The following WNT10B variants were observed in gnomAD, a reference collection of about 807,000 sequenced individuals.
The protein encoded by WNT10B is protein Wnt-10b.
In WNT10B, 26 loss-of-function variants were observed where a neutral mutation model predicts 32.7. That is an observed-to-expected ratio of 0.79 (90% CI 0.58 to 1.10). The LOEUF (loss-of-function observed/expected upper bound fraction) is 1.10, where lower values mean the gene tolerates loss of function less well. Ranked by LOEUF, WNT10B falls within the 50% of genes least tolerant of loss-of-function variation. WNT10B has a pLI of 0.00. For missense variants in WNT10B, 474 were observed against 532.5 expected (o/e 0.89, Z 1.08); for synonymous variants, 204 against 220.4 (o/e 0.93, Z 0.66).
chr12:48,971,367 G>GTGTCTGTC (rs1043077947), intron 1 of WNT10B, 88 bp downstream of exon 1: 1 of 152,618 alleles, frequency 6.6e-6, no homozygotes, highest in Admixed American at 6.5e-5. Flanking sequence ...GGGTGGATGC[G>GTGTCTGTC]TGTCTGTCTG....
chr12:48,971,367 GTGTCTGTC>G (rs1043077947), intron 1 of WNT10B, 80 bp downstream of exon 1: 1 of 152,500 alleles, frequency 6.6e-6, no homozygotes, highest in Non-Finnish European at 1.5e-5. Flanking sequence ...GGGTGGATGC[GTGTCTGTC>G]TGTCTGTCTG....
intron 3 of WNT10B, chr12:48,969,071 G>C: frequency 2.1e-6 from 1 of 470,742 alleles, no homozygotes; most frequent in Non-Finnish European, 4.4e-6. Context: ...AGAAGCTCAG[G>C]CTGCCAAGCC....
chr12:48,965,758 T>C lies in WNT10B; in HGVS notation c.*337A>G, dbSNP rs1398932556. ...TCAAGGGAGAGGAGTGGTGAAACTA[T>C]AGGGACTCCCCAGCCAAAAGGAGTA... On this transcript the variant is annotated 3_prime_UTR_variant, in exon 5 of 5. Coordinates refer to ENST00000301061, the MANE Select transcript of WNT10B (RefSeq NM_003394.4). The C allele has an allele frequency of 9.1e-6, 3 of 331,434 alleles. No individual in the cohort carries two copies. Among genetic ancestry groups the C allele is most frequent in the South Asian group, 3.7e-5 (1 of 26,996 alleles). The allele number at this position is 331,434 out of a possible 1,614,324, so 20.5% of individuals were successfully genotyped here. A position where few individuals can be genotyped will look rare whatever the true frequency, so the allele number is the denominator to read the frequency against.
Position 48,966,367 on chromosome 12 carries a change from G to A in WNT10B, c.898C>T (p.Arg300Cys), listed in dbSNP as rs1033586412. Reference protein sequence around the residue: ...RNSGAFQPRLRPRRLSGELVY... With the variant: ...RNSGAFQPRLCPRRLSGELVY... Reference sequence around the variant, plus strand: ...AGCTCTCCTGAGAGGCGACGGGGACGCAGACGGGGCTGGAAGGCTCCAGAA... The same window carrying A: ...AGCTCTCCTGAGAGGCGACGGGGACACAGACGGGGCTGGAAGGCTCCAGAA... The change falls in exon 5 of 5, where the codon CGT becomes TGT. Residue 300 changes from arginine to cysteine, a missense_variant. Transcript: ENST00000301061. 2.2e-5 allele frequency: 36 copies of A among 1,614,110 alleles called. No homozygotes were observed. Among genetic ancestry groups the A allele is most frequent in the Admixed American group, 3.3e-5 (2 of 60,016 alleles).
rs1165509266 is a variant in WNT10B at position 48,970,462 on chromosome 12, C to T, written c.68G>A (p.Cys23Tyr). 11 of 1,613,172 alleles carry T rather than the reference C, an allele frequency of 6.8e-6. No homozygotes were observed. The highest frequency in any genetic ancestry group is 8.5e-6 in the Non-Finnish European group (10 of 1,179,732). ...GLAGLLFLAL[C>Y]SRALSNEILG... The stretch of plus-strand genomic sequence containing the variant: ...GACAAGGGGAACTGCTCACCGACTG[C>T]ACAACGCCAGGAACAGGAGACCCGC... Residue 23 changes from cysteine (C) to tyrosine (Y), a missense_variant, in exon 2 of 5, where the codon TGC becomes TAC. Transcript: ENST00000301061. This position sits in a 1 kb window ranked among gnomAD's most constrained non-coding sequence, Gnocchi z 5.0.
Position 48,966,022 on chromosome 12 carries a change from A to T in WNT10B, c.*73T>A, listed in dbSNP as rs1940723902. On this transcript the variant is annotated 3_prime_UTR_variant, in exon 5 of 5. Coordinates refer to ENST00000301061, the MANE Select transcript of WNT10B (RefSeq NM_003394.4). ...GGGACCAAGAGTGACCTTGGAAGGA[A>T]ATCAGAGCAAAGGGCTGAAAAGGCG... 5 of 1,569,996 alleles carry T rather than the reference A, an allele frequency of 3.2e-6. No homozygotes were observed. Among genetic ancestry groups the T allele is most frequent in the Non-Finnish European group, 4.3e-6 (5 of 1,150,664 alleles).
rs1242623813 is a variant in WNT10B at position 48,966,443 on chromosome 12, C to T, written c.822G>A (p.Ala274=). ...AAPEFRAVGA[A]LRERLGRAIF... The stretch of plus-strand genomic sequence containing the variant: ...TGGCCCGGCCCAGCCGCTCCCTCAA[C>T]GCCGCCCCCACTGCCCGGAACTCTG... Residue 274 remains alanine (A), a synonymous_variant, in exon 5 of 5, where the codon GCG becomes GCA. Transcript: ENST00000301061. The T allele has an allele frequency of 5.0e-6, 8 of 1,613,928 alleles. No homozygotes were observed. Among genetic ancestry groups the T allele is most frequent in the Non-Finnish European group, 6.8e-6 (8 of 1,180,060 alleles).
Position 48,966,412 on chromosome 12 carries a change from T to C in WNT10B, c.853A>G (p.Ile285Val). Reference sequence around the variant, plus strand: ...CCAGAATTGCGGTTGTGGGTATCAATGAAGATGGCCCGGCCCAGCCGCTCC... The same window carrying C: ...CCAGAATTGCGGTTGTGGGTATCAACGAAGATGGCCCGGCCCAGCCGCTCC... Reference protein sequence around the residue: ...LRERLGRAIFIDTHNRNSGAF... With the variant: ...LRERLGRAIFVDTHNRNSGAF... Residue 285 changes from isoleucine (I) to valine (V), a missense_variant, in exon 5 of 5, where the codon ATT (isoleucine) becomes GTT (valine). Physicochemically the swap from Ile to Val is conservative, Grantham distance 29. Coordinates refer to ENST00000301061, the MANE Select transcript of WNT10B (RefSeq NM_003394.4). 6.2e-7 allele frequency: 1 copy of C among 1,614,000 alleles called. No homozygotes were observed.
Position 48,970,412 on chromosome 12 carries a change from G to A in WNT10B, c.74+44C>T, listed in dbSNP as rs1279528632. ...AGACCCCTCCAACTCTCCCCACCCC[G>A]GGTCGGTGTTTCTATGGCCTGGGAG... On this transcript the variant is annotated intron_variant, in intron 2 of 4. Coordinates refer to ENST00000301061, the MANE Select transcript of WNT10B (RefSeq NM_003394.4). This position sits in a 1 kb window ranked among gnomAD's most constrained non-coding sequence, Gnocchi z 5.0. 12 of 1,613,786 alleles carry A rather than the reference G, an allele frequency of 7.4e-6. No individual in the cohort carries two copies. Among genetic ancestry groups the A allele is most frequent in the Non-Finnish European group, 9.3e-6 (11 of 1,179,870 alleles).
At position 48,968,178 on chromosome 12, in the gene WNT10B, T is replaced by C. The variant is rs978022243; in HGVS notation, c.479A>G (p.Lys160Arg). 2.5e-6 allele frequency: 4 copies of C among 1,614,072 alleles called. No homozygotes were observed. Among genetic ancestry groups the C allele is most frequent in the Non-Finnish European group, 3.4e-6 (4 of 1,180,036 alleles). ...GSGEQDRLRA[K>R]LLQLQALSRG... ...GGACAGTGCCTGCAGCTGCAGCAGT[T>C]TGGCCCTCAGCCGATCCTGCTCACC... The change falls in exon 4 of 5, where the codon AAA becomes AGA. Residue 160 changes from lysine to arginine, a missense_variant. Physicochemically the swap from Lys to Arg is conservative, Grantham distance 26. Coordinates refer to ENST00000301061, the MANE Select transcript of WNT10B (RefSeq NM_003394.4).
rs769618236 is a variant in WNT10B, at chr12:48,970,059, G to A, written c.337+30C>T. The stretch of plus-strand genomic sequence containing the variant: ...CTGCCGCCCACCCCCTAGCCTCCGC[G>A]GCAGCGCCGACCCGCCCAGCCAGGC... On this transcript the variant is annotated intron_variant, in intron 3 of 4. Transcript: ENST00000301061. This position sits in a 1 kb window ranked among gnomAD's most constrained non-coding sequence, Gnocchi z 5.0. 1.0e-5 allele frequency: 15 copies of A among 1,476,136 alleles called. No individual in the cohort carries two copies. Among genetic ancestry groups the A allele is most frequent in the Non-Finnish European group, 1.3e-5 (14 of 1,116,492 alleles). The allele number at this position is 1,476,136 out of a possible 1,614,324, so 91.4% of individuals were successfully genotyped here. A position where few individuals can be genotyped will look rare whatever the true frequency, so the allele number is the denominator to read the frequency against.
chr12:48,968,391 T>G (rs528802695), intron 3 of WNT10B, 72 bp from the exon 4 acceptor site: 44 of 1,589,760 alleles, frequency 2.8e-5, no homozygotes, highest in Non-Finnish European at 3.5e-5. Context: ...CAGAAAGAAA[T>G]AAACAGCCCC....
Position 48,968,068 on chromosome 12 carries a change from C to G in WNT10B, c.589G>C (p.Gly197Arg). Residue 197 changes from glycine to arginine, a missense_variant, in exon 4 of 5, where the codon GGT becomes CGT. Coordinates refer to ENST00000301061, the MANE Select transcript of WNT10B (RefSeq NM_003394.4). Reference protein sequence around the residue: ...SPGPQDTWEWGGCNHDMDFGE... With the variant: ...SPGPQDTWEWRGCNHDMDFGE... ...AAGTCCATGTCATGGTTACAGCCACCCCATTCCCATGTGTCCTGGGGGCCA... is the reference window on the plus strand; with the variant it reads ...AAGTCCATGTCATGGTTACAGCCACGCCATTCCCATGTGTCCTGGGGGCCA... The G allele has an allele frequency of 1.2e-6, 2 of 1,614,264 alleles. No individual in the cohort carries two copies. The highest frequency in any genetic ancestry group is 1.7e-6 in the Non-Finnish European group (2 of 1,180,050).
Position 48,970,114 on chromosome 12 carries a change from C to CA in WNT10B, c.311_312insT (p.His105AlafsTer49). 1 of 1,526,930 alleles carries CA rather than the reference C, an allele frequency of 6.5e-7. No homozygotes were observed. Among genetic ancestry groups the CA allele is most frequent in the Non-Finnish European group, 8.8e-7 (1 of 1,140,830 alleles). 94.6% of individuals were successfully genotyped at this position (1,526,930 alleles called of 1,614,324 possible). On this transcript the variant is annotated frameshift_variant, in exon 3 of 5. Transcript: ENST00000301061. LOFTEE classifies it high-confidence loss of function. The surrounding 1 kb of genome is among the most constrained non-coding windows in gnomAD (Gnocchi z 5.0). ...CGCGCTTGAGGATGGCGCTGTGGTGCGGCAGGCGGCCGCCGCCCTCAAGCG... is the reference window on the plus strand; with the variant it reads ...CGCGCTTGAGGATGGCGCTGTGGTGCAGGCAGGCGGCCGCCGCCCTCAAGCG...
At chr12:48,968,801 T>TA (rs1259693868) in intron 3 of WNT10B, among the ~76,000 whole-genome samples, 7 of 151,538 alleles carry the variant, frequency 4.6e-5, no homozygotes, top group African/African-American at 1.7e-4. Context: ...TTTTTTTTTT[T>TA]AAATTCACTT....
In WNT10B at chr12:48,970,041, C is replaced by T. The variant is rs1940817983; in HGVS notation, c.337+48G>A. The T allele has an allele frequency of 2.1e-6, 3 of 1,408,146 alleles. No homozygotes were observed. The African/African-American group carries it at 4.5e-5, about 21-fold the overall frequency. The allele number at this position is 1,408,146 out of a possible 1,614,324, so 87.2% of individuals were successfully genotyped here. On this transcript the variant is annotated intron_variant, in intron 3 of 4. Transcript: ENST00000301061. This position sits in a 1 kb window ranked among gnomAD's most constrained non-coding sequence, Gnocchi z 5.0. Reference sequence around the variant, plus strand: ...GCCTCCGCGCGCCTCGCCCTGCCGCCCACCCCCTAGCCTCCGCGGCAGCGC... The same window carrying T: ...GCCTCCGCGCGCCTCGCCCTGCCGCTCACCCCCTAGCCTCCGCGGCAGCGC...
intron 4 of WNT10B, 105 bp from the exon 5 acceptor site, chr12:48,966,658 G>A (rs936695502): frequency 6.2e-6 from 8 of 1,300,428 alleles, no homozygotes; most frequent in Non-Finnish European, 8.7e-6. Context: ...GGGACAAATG[G>A]AGGCAAGAAT....
Position 48,970,955 on chromosome 12 carries a change from G to A in WNT10B, c.-40-386C>T, listed in dbSNP as rs1227782447. 1.1e-5 allele frequency: 3 copies of A among 276,598 alleles called. No homozygotes were observed. Among genetic ancestry groups the A allele is most frequent in the Non-Finnish European group, 2.1e-5 (3 of 142,250 alleles). 17.1% of individuals were successfully genotyped at this position (276,598 alleles called of 1,614,324 possible). A position where few individuals can be genotyped will look rare whatever the true frequency, so the allele number is the denominator to read the frequency against. On this transcript the variant is annotated intron_variant, in intron 1 of 4. Coordinates refer to ENST00000301061, the MANE Select transcript of WNT10B (RefSeq NM_003394.4). The surrounding 1 kb of genome is among the most constrained non-coding windows in gnomAD (Gnocchi z 5.0). The stretch of plus-strand genomic sequence containing the variant: ...CGACTAGCTTCCCCGCCCTCACAGG[G>A]CTAGGGAGAGGGATAGGGAGGAGGT...
chr12:48,965,822 G>T lies in WNT10B; in HGVS notation c.*273C>A, dbSNP rs1484018751. 8.3e-6 allele frequency: 4 copies of T among 479,808 alleles called. No individual in the cohort carries two copies. Among genetic ancestry groups the T allele is most frequent in the Non-Finnish European group, 1.5e-5 (4 of 264,364 alleles). 29.7% of individuals were successfully genotyped at this position (479,808 alleles called of 1,614,324 possible). Reference sequence around the variant, plus strand: ...AAGGGGCTCTGGAGTTGAGAAGTGGGAGGAGCAATACAGTGCATTTCATCT... The same window carrying T: ...AAGGGGCTCTGGAGTTGAGAAGTGGTAGGAGCAATACAGTGCATTTCATCT... On this transcript the variant is annotated 3_prime_UTR_variant, in exon 5 of 5. Transcript: ENST00000301061.
Sources: gnomAD v4.1 joint callset for allele counts (sites outside exome capture counted in the v4.1 genomes callset) on GRCh38, gnomAD v4.1.1 for gene constraint, Gnocchi (gnomAD v3.1) non-coding constraint, MANE v1.5 for transcripts, NCBI Gene and HGNC (gene_info 2026-07-23, HGNC 2026-07-21) for gene names.